FCRL2: variants seen among roughly 807,000 people sequenced by gnomAD.
FCRL2 encodes Fc receptor like 2, also known as Fc receptor-like protein 2.
A neutral mutation model predicts 59.8 loss-of-function variants in FCRL2; 48 were observed. The observed-to-expected ratio is 0.80, with a 90% CI of 0.64 to 1.02. The LOEUF (loss-of-function observed/expected upper bound fraction) is 1.02. Ranked by LOEUF, FCRL2 falls within the 50% of genes least tolerant of loss-of-function variation. FCRL2 has a pLI of 0.00. For missense variants in FCRL2, 658 were observed against 597.3 expected (o/e 1.10, Z -1.06); for synonymous variants, 251 against 229.5 (o/e 1.09, Z -0.85).
At chr1:157,776,598 A>C (rs1186709616) in intron 1 of FCRL2, among the ~76,000 whole-genome samples, 1 of 152,146 alleles carries the variant, frequency 6.6e-6, no homozygotes, top group Non-Finnish European at 1.5e-5. Flanking sequence ...AGCAGCTGTC[A>C]TCTCCCTCAT....
intron 7 of FCRL2, among the ~76,000 whole-genome samples, chr1:157,754,773 C>T (rs188294844): frequency 0.018 from 2,696 of 152,016 alleles, 69 homozygotes; most frequent in African/African-American, 0.061. Flanking sequence ...CGAGACCAGC[C>T]CGGGCAACAT....
chr1:157,776,971 C>T (rs1650461615), intron 1 of FCRL2, 72 bp downstream of exon 1: 4 of 1,467,566 alleles, frequency 2.7e-6, no homozygotes, highest in South Asian at 1.1e-5. Flanking sequence ...TCCAATAAAA[C>T]CTCCAACCTT....
chr1:157,758,796 G>A (rs548753764), intron 7 of FCRL2, among the ~76,000 whole-genome samples: 3 of 151,518 alleles, frequency 2.0e-5, no homozygotes, highest in African/African-American at 7.3e-5. Flanking sequence ...ACAACCATCT[G>A]ATCTTCTACA....
At chr1:157,773,321 C>T (rs1433403127) in intron 2 of FCRL2, among the ~76,000 whole-genome samples, 2 of 152,168 alleles carry the variant, frequency 1.3e-5, no homozygotes, top group African/African-American at 4.8e-5. Flanking sequence ...ATTTATGGAC[C>T]ACTCAGTGAG....
intron 4 of FCRL2, 71 bp downstream of exon 4, chr1:157,769,795 A>T: frequency 6.6e-7 from 1 of 1,519,454 alleles, no homozygotes; most frequent in Non-Finnish European, 9.0e-7. Flanking sequence ...AAAGAAACAG[A>T]CTAGTAGTCC....
At chr1:157,769,084 C>T (rs1172503387) in intron 4 of FCRL2, 3 of 162,632 alleles carry the variant, frequency 1.8e-5, no homozygotes, top group Non-Finnish European at 4.0e-5. Context: ...AATAATTCCT[C>T]TATCATTTTT....
intron 2 of FCRL2, among the ~76,000 whole-genome samples, chr1:157,774,068 G>A (rs1187993035): frequency 6.6e-6 from 1 of 152,216 alleles, no homozygotes; most frequent in East Asian, 1.9e-4. Flanking sequence ...GAATTTCAGT[G>A]AAAAATATCT....
chr1:157,748,908 CTGGGGT>C lies in FCRL2; in HGVS notation c.1354_1359del (p.Thr452_Pro453del). ...TACACTGGCTGCAGCTCCTCCATGTCTGGGGTTGGGCTTGAATAGGTGAACTCTTGA... is the reference window on the plus strand; with the variant it reads ...TACACTGGCTGCAGCTCCTCCATGTCTGGGCTTGAATAGGTGAACTCTTGA... On this transcript the variant is annotated inframe_deletion, in exon 9 of 12. Coordinates refer to ENST00000361516, the MANE Select transcript of FCRL2 (RefSeq NM_030764.4). 1.2e-6 allele frequency: 2 copies of C among 1,613,946 alleles called. No individual in the cohort carries two copies. The highest frequency in any genetic ancestry group is 1.7e-6 in the Non-Finnish European group (2 of 1,179,938).
chr1:157,748,848 A>T lies in FCRL2; in HGVS notation c.1393+27T>A, dbSNP rs755442802. The stretch of plus-strand genomic sequence containing the variant: ...CCTCTTTCTTTTCTGACTCAGCCTC[A>T]GAGCCCTTCCCAGTGGAGACACTCA... On this transcript the variant is annotated intron_variant, in intron 9 of 11. Coordinates refer to ENST00000361516, the MANE Select transcript of FCRL2 (RefSeq NM_030764.4). 3 of 1,604,748 alleles carry T rather than the reference A, an allele frequency of 1.9e-6. No homozygotes were observed. In the East Asian group the frequency reaches 6.7e-5, roughly 36 times the overall value.
At chr1:157,772,801 C>T (rs577780141) in intron 2 of FCRL2, among the ~76,000 whole-genome samples, 6 of 152,324 alleles carry the variant, frequency 3.9e-5, no homozygotes, top group African/African-American at 9.6e-5. Context: ...TCTCCATCAT[C>T]CACTCCTTGC....
intron 7 of FCRL2, among the ~76,000 whole-genome samples, chr1:157,750,294 TCCTCCATTAATA>T (rs1392837895): frequency 6.6e-6 from 1 of 152,192 alleles, no homozygotes; most frequent in Non-Finnish European, 1.5e-5. Flanking sequence ...TATTTTCTAG[TCCTCCATTAATA>T]CCTCAGGAAA....
intron 7 of FCRL2, among the ~76,000 whole-genome samples, chr1:157,761,560 G>A (rs1649104997): frequency 6.6e-6 from 1 of 152,146 alleles, no homozygotes. Context: ...AGTGAGCCAA[G>A]ATCGTGTCAC....
chr1:157,768,491 T>C lies in FCRL2; in HGVS notation c.806A>G (p.Asp269Gly). The C allele has an allele frequency of 1.9e-6, 3 of 1,614,228 alleles. No individual in the cohort carries two copies. The highest frequency in any genetic ancestry group is 2.5e-6 in the Non-Finnish European group (3 of 1,180,044). The change falls in exon 5 of 12, where the codon GAT becomes GGT. Residue 269 changes from aspartate to glycine, a missense_variant. Physicochemically the swap from Asp to Gly is moderately conservative, Grantham distance 94 (BLOSUM62 -1). Coordinates refer to ENST00000361516, the MANE Select transcript of FCRL2 (RefSeq NM_030764.4). ...AGCTCTACAGTAATATTTGCCGGCA[T>C]CACTCTCTTTCACAGCTGGGATCTC... ...ELEIPAVKESDAGKYYCRADN... is the reference protein window; with the variant it reads ...ELEIPAVKESGAGKYYCRADN...
chr1:157,774,248 G>T (rs1353730093), intron 2 of FCRL2, among the ~76,000 whole-genome samples: 2 of 152,196 alleles, frequency 1.3e-5, no homozygotes, highest in Admixed American at 1.3e-4. Context: ...CTGCTCTGCT[G>T]AATAGCATTT....
At chr1:157,760,934 C>T (rs1649056321) in intron 7 of FCRL2, among the ~76,000 whole-genome samples, 1 of 152,096 alleles carries the variant, frequency 6.6e-6, no homozygotes, top group African/African-American at 2.4e-5. Flanking sequence ...GCACATGTAC[C>T]TCTTGAACCT....
chr1:157,774,149 T>C (rs1296514456), intron 2 of FCRL2, among the ~76,000 whole-genome samples: 1 of 152,144 alleles, frequency 6.6e-6, no homozygotes, highest in Non-Finnish European at 1.5e-5. Context: ...TCCCAGGTGG[T>C]GAGTGCAGTG....
intron 2 of FCRL2, 26 bp downstream of exon 2, chr1:157,775,749 G>C (rs577506837): frequency 6.2e-7 from 1 of 1,613,782 alleles, no homozygotes; most frequent in Admixed American, 1.7e-5. Flanking sequence ...CAGAGACCAA[G>C]AACAACAAAG....
At chr1:157,753,965 C>G (rs1648392503) in intron 7 of FCRL2, among the ~76,000 whole-genome samples, 1 of 152,086 alleles carries the variant, frequency 6.6e-6, no homozygotes, top group African/African-American at 2.4e-5. Context: ...AAAGGCATCA[C>G]TTTACTTAAA....
chr1:157,749,016 AG>A, intron 8 of FCRL2, 56 bp from the exon 9 acceptor site: 1 of 1,473,326 alleles, frequency 6.8e-7, no homozygotes, highest in Non-Finnish European at 9.5e-7. Flanking sequence ...GTGAGAACAG[AG>A]GGGAGACTGG....
Sources: gnomAD v4.1 joint callset for allele counts (sites outside exome capture counted in the v4.1 genomes callset) on GRCh38, gnomAD v4.1.1 for gene constraint, MANE v1.5 for transcripts, NCBI Gene and HGNC (gene_info 2026-07-23, HGNC 2026-07-21) for gene names.